SLC35F4: variants seen among roughly 807,000 people sequenced by gnomAD.
SLC35F4 encodes the protein chromosome 14 open reading frame 36.
Under a neutral mutation model 44.2 loss-of-function variants are expected in SLC35F4, and 24 were observed. The observed-to-expected ratio is 0.54, with a 90% CI of 0.39 to 0.76. SLC35F4 has a LOEUF of 0.76. Ranked by LOEUF, SLC35F4 falls within the 30% of genes least tolerant of loss-of-function variation. The probability of loss-of-function intolerance (pLI) is 0.00; values close to 1 mark genes in which losing one functional copy is unlikely to be tolerated. For synonymous variants in SLC35F4, 238 were observed against 223.6 expected (o/e 1.06, Z -0.57); for missense variants, 562 against 586.1 (o/e 0.96, Z 0.42).
At chr14:57,844,032 G>A (rs1394034856) in intron 1 of SLC35F4, among the ~76,000 whole-genome samples, 1 of 151,938 alleles carries the variant, frequency 6.6e-6, no homozygotes, top group Non-Finnish European at 1.5e-5. Flanking sequence ...ACTCCCCCAA[G>A]CAATTTATGT....
At chr14:57,850,415 T>A (rs1464915238) in intron 1 of SLC35F4, among the ~76,000 whole-genome samples, 1 of 152,224 alleles carries the variant, frequency 6.6e-6, no homozygotes, top group African/African-American at 2.4e-5. Context: ...TCAAGAATTT[T>A]GTTTTTAATC....
chr14:57,824,248 C>T (rs1007327776), intron 1 of SLC35F4, among the ~76,000 whole-genome samples: 1 of 152,146 alleles, frequency 6.6e-6, no homozygotes, highest in East Asian at 1.9e-4. Context: ...AGTTAGCATA[C>T]ATGCTTCACA....
At chr14:57,954,231 G>A (rs1890195783) in intron 1 of SLC35F4, among the ~76,000 whole-genome samples, 1 of 152,122 alleles carries the variant, frequency 6.6e-6, no homozygotes, top group Non-Finnish European at 1.5e-5. Context: ...GAACCAATGA[G>A]AACAAAGACA....
intron 1 of SLC35F4, among the ~76,000 whole-genome samples, chr14:57,723,276 T>A (rs188501670): frequency 9.2e-5 from 14 of 152,304 alleles, no homozygotes; most frequent in African/African-American, 3.4e-4. Flanking sequence ...AACCCCCACA[T>A]TGGCTCCCTG....
intron 1 of SLC35F4, among the ~76,000 whole-genome samples, chr14:57,654,158 A>G (rs72721445): frequency 1.6e-3 from 239 of 152,254 alleles, no homozygotes; most frequent in Non-Finnish European, 2.6e-3. Flanking sequence ...TTTCATTTCA[A>G]TAGTTTTTGA....
intron 1 of SLC35F4, among the ~76,000 whole-genome samples, chr14:57,777,197 A>G (rs893522066): frequency 2.0e-5 from 3 of 152,264 alleles, no homozygotes; most frequent in Non-Finnish European, 4.4e-5. Flanking sequence ...AACTAGTTCA[A>G]CCATTGTGGA....
At chr14:57,843,221 T>C (rs558733187) in intron 1 of SLC35F4, among the ~76,000 whole-genome samples, 1 of 152,264 alleles carries the variant, frequency 6.6e-6, no homozygotes, top group East Asian at 1.9e-4. Context: ...CTCCCTTTCA[T>C]ATATACATCT....
chr14:57,645,887 G>A (rs1236514907), intron 1 of SLC35F4, among the ~76,000 whole-genome samples: 1 of 151,954 alleles, frequency 6.6e-6, no homozygotes, highest in Non-Finnish European at 1.5e-5. Flanking sequence ...TAATCATGTG[G>A]TTTTTGTCTT....
Position 57,618,144 on chromosome 14 carries a change from T to A in SLC35F4, c.104-24020A>T, listed in dbSNP as rs187675368. 2.4e-3 allele frequency among the ~76,000 whole-genome samples: 369 copies of A among 152,302 alleles called. 3 individuals are homozygous for A. Among genetic ancestry groups the A allele is most frequent in the African/African-American group, 8.6e-3 (359 of 41,580 alleles). The stretch of plus-strand genomic sequence containing the variant: ...TTAGGATGTATTATTAGTATATGAG[T>A]AAAACCAATTGATCACATGACAAGA... On this transcript the variant is annotated intron_variant, in intron 1 of 7. Transcript: ENST00000556826.
At chr14:57,823,784 T>C (rs1273098634) in intron 1 of SLC35F4, among the ~76,000 whole-genome samples, 1 of 152,200 alleles carries the variant, frequency 6.6e-6, no homozygotes, top group Non-Finnish European at 1.5e-5. Context: ...AAAATCAGTT[T>C]GGTTTTGTAA....
intron 1 of SLC35F4, among the ~76,000 whole-genome samples, chr14:57,782,189 T>C (rs1179970179): frequency 6.6e-6 from 1 of 152,192 alleles, no homozygotes; most frequent in Non-Finnish European, 1.5e-5. Flanking sequence ...AGAAATGTTA[T>C]CAGAATTAAT....
intron 1 of SLC35F4, among the ~76,000 whole-genome samples, chr14:57,713,910 C>T (rs971483050): frequency 6.6e-6 from 1 of 152,146 alleles, no homozygotes; most frequent in South Asian, 2.1e-4. Context: ...CCTACCTCCC[C>T]CACCCCCCAT....
chr14:57,741,118 C>A (rs757702835), intron 1 of SLC35F4, among the ~76,000 whole-genome samples: 1 of 152,186 alleles, frequency 6.6e-6, no homozygotes, highest in Non-Finnish European at 1.5e-5. Context: ...GATAAAACCA[C>A]AAAGATGGGT....
chr14:57,690,048 TTC>T (rs1418160192), intron 1 of SLC35F4, among the ~76,000 whole-genome samples: 1 of 152,192 alleles, frequency 6.6e-6, no homozygotes, highest in Non-Finnish European at 1.5e-5. Flanking sequence ...TTCTAGAATG[TTC>T]TTTCATACTT....
downstream of SLC35F4, among the ~76,000 whole-genome samples, chr14:57,975,099 A>G (rs1349846029): frequency 6.6e-6 from 1 of 152,258 alleles, no homozygotes; most frequent in Non-Finnish European, 1.5e-5. Flanking sequence ...TAAAGCTCTC[A>G]GGTGCTTGTC....
chr14:57,605,563 T>C (rs1283284372), intron 1 of SLC35F4, among the ~76,000 whole-genome samples: 1 of 152,158 alleles, frequency 6.6e-6, no homozygotes, highest in Non-Finnish European at 1.5e-5. Context: ...CTCAGAGAAC[T>C]GAGAGTTAAA....
chr14:57,676,964 A>C (rs1310843382), intron 1 of SLC35F4, among the ~76,000 whole-genome samples: 1 of 152,136 alleles, frequency 6.6e-6, no homozygotes, highest in Non-Finnish European at 1.5e-5. Flanking sequence ...TTGCACACAC[A>C]TGTTTATAGC....
chr14:57,909,554 AC>A (rs1889175506), intron 1 of SLC35F4, among the ~76,000 whole-genome samples: 2 of 112,538 alleles, frequency 1.8e-5, no homozygotes, highest in African/African-American at 3.6e-5. Context: ...ACACACACAC[AC>A]ACACACACAC....
chr14:57,679,309 A>G, intron 1 of SLC35F4, among the ~76,000 whole-genome samples: 1 of 152,222 alleles, frequency 6.6e-6, no homozygotes, highest in East Asian at 1.9e-4. Flanking sequence ...AGAAATAAAT[A>G]AGTTCTTTGA....
Sources: allele counts gnomAD v4.1 joint callset (sites outside exome capture counted in the v4.1 genomes callset), GRCh38; gene constraint gnomAD v4.1.1; transcripts MANE v1.5; gene names NCBI Gene and HGNC (gene_info 2026-07-23, HGNC 2026-07-21).